The following NLN variants were observed in gnomAD, a reference collection of about 807,000 sequenced individuals.
The protein encoded by NLN is neurolysin, also known as neurolysin, mitochondrial.
Under a neutral mutation model 79.9 loss-of-function variants are expected in NLN, and 64 were observed. The ratio of observed to expected loss-of-function variants is 0.80; its 90% confidence interval spans 0.65 to 0.99. NLN has a LOEUF of 0.99. Ranked by LOEUF, NLN falls within the 50% of genes least tolerant of loss-of-function variation. The pLI is 0.00. For missense variants in NLN, 835 were observed against 858.7 expected, an observed-to-expected ratio of 0.97 and a Z score of 0.34; for synonymous variants, 267 against 296.6, an observed-to-expected ratio of 0.90 and a Z score of 1.02.
rs1166981711 is a variant in NLN, at chr5:65,817,746, G to A, written c.1981-5035G>A. Among the ~76,000 whole-genome samples, 4 of 152,166 alleles carry A rather than the reference G, an allele frequency of 2.6e-5. No homozygotes were observed. The East Asian group carries it at 7.7e-4, about 29-fold the overall frequency. On this transcript the variant is annotated intron_variant, in intron 12 of 12. Transcript: ENST00000380985. ...CAGTCTGTAATGCCATAAGGAAGGAGCTACATCTTACATAAAATAATAGCC... is the reference window on the plus strand; with the variant it reads ...CAGTCTGTAATGCCATAAGGAAGGAACTACATCTTACATAAAATAATAGCC...
chr5:65,781,454 A>T, intron 6 of NLN, 33 bp downstream of exon 6: 1 of 1,497,264 alleles, frequency 6.7e-7, no homozygotes, highest in Non-Finnish European at 9.2e-7. Context: ...TTTTGTTTTT[A>T]ATGGAATATT....
intron 6 of NLN, among the ~76,000 whole-genome samples, chr5:65,784,029 T>C (rs1167007048): frequency 6.6e-6 from 1 of 152,158 alleles, no homozygotes; most frequent in Admixed American, 6.5e-5. Context: ...TATTTTTATT[T>C]TCCACATCTT....
intron 9 of NLN, among the ~76,000 whole-genome samples, chr5:65,798,136 G>A (rs1760208354): frequency 6.6e-6 from 1 of 152,174 alleles, no homozygotes; most frequent in Non-Finnish European, 1.5e-5. Flanking sequence ...GAAGAAGATA[G>A]GCAGCTGAGA....
intron 1 of NLN, among the ~76,000 whole-genome samples, chr5:65,728,389 G>A (rs1758526899): frequency 6.6e-6 from 1 of 152,014 alleles, no homozygotes; most frequent in African/African-American, 2.4e-5. Flanking sequence ...CCAACTTCCT[G>A]CAATGAGTAA....
At position 65,828,409 on chromosome 5, in the gene NLN, CTT is replaced by C. The variant is rs1386474627; in HGVS notation, c.*5496_*5497del. The C allele has an allele frequency of 6.6e-6, 1 of 152,156 alleles. No individual in the cohort carries two copies. The highest frequency in any genetic ancestry group is 1.5e-5 in the Non-Finnish European group (1 of 68,020). 9.4% of individuals were successfully genotyped at this position (152,156 alleles called of 1,614,324 possible). On this transcript the variant is annotated 3_prime_UTR_variant, in exon 13 of 13. Transcript: ENST00000380985. ...AGGAGCAGTAACAAGATGGTGATAA[CTT>C]TGAAAATACTTCTCAAAAGAAAAAT...
At chr5:65,763,758 T>C (rs1579931990) in intron 3 of NLN, among the ~76,000 whole-genome samples, 1 of 152,030 alleles carries the variant, frequency 6.6e-6, no homozygotes, top group African/African-American at 2.4e-5. Context: ...TTTTCCTTTT[T>C]AGCAGACCGT....
Position 65,824,445 on chromosome 5 carries a change from C to G in NLN, c.*1530C>G, listed in dbSNP as rs947048478. On this transcript the variant is annotated 3_prime_UTR_variant, in exon 13 of 13. Transcript: ENST00000380985. The stretch of plus-strand genomic sequence containing the variant: ...CCCAGCCCTTCTCTTCCCACACACT[C>G]ACTCAATGTCACCCCCTTCTAATCC... 1 of 152,172 alleles carries G rather than the reference C, an allele frequency of 6.6e-6. No homozygotes were observed. Among genetic ancestry groups the G allele is most frequent in the Non-Finnish European group, 1.5e-5 (1 of 68,056 alleles). The allele number at this position is 152,172 out of a possible 1,614,324, so 9.4% of individuals were successfully genotyped here.
At chr5:65,791,474 T>C (rs1760056334) in intron 8 of NLN, among the ~76,000 whole-genome samples, 1 of 152,068 alleles carries the variant, frequency 6.6e-6, no homozygotes, top group South Asian at 2.1e-4. Context: ...AGGAGAATCA[T>C]TTGAACCCAG....
At chr5:65,810,532 T>C (rs1247754273) in intron 11 of NLN, among the ~76,000 whole-genome samples, 1 of 152,252 alleles carries the variant, frequency 6.6e-6, no homozygotes, top group Non-Finnish European at 1.5e-5. Context: ...TTTTAAGTTT[T>C]TTTTCCTTTA....
At position 65,823,127 on chromosome 5, in the gene NLN, A is replaced by C. The variant is rs1760837349; in HGVS notation, c.*212A>C. 4.6e-6 allele frequency: 2 copies of C among 434,886 alleles called. No individual in the cohort carries two copies. Among genetic ancestry groups the C allele is most frequent in the Non-Finnish European group, 8.1e-6 (2 of 246,578 alleles). 26.9% of individuals were successfully genotyped at this position (434,886 alleles called of 1,614,324 possible). The stretch of plus-strand genomic sequence containing the variant: ...CCCACTAGAAAGTAATTGTACTATA[A>C]AATTTCATAAAACTGGATTTGATTT... On this transcript the variant is annotated 3_prime_UTR_variant, in exon 13 of 13. Transcript: ENST00000380985.
chr5:65,790,629 C>T (rs1479156042), intron 8 of NLN, among the ~76,000 whole-genome samples: 8 of 152,166 alleles, frequency 5.3e-5, no homozygotes, highest in African/African-American at 9.7e-5. Context: ...TCCCACGACA[C>T]GTGGGGATTA....
intron 1 of NLN, 32 bp downstream of exon 1, chr5:65,722,446 T>TG (rs772892938): frequency 6.4e-7 from 1 of 1,562,772 alleles, no homozygotes; most frequent in East Asian, 2.5e-5. Flanking sequence ...ACCTTGGCCG[T>TG]GGGCAGGGCG....
Position 65,823,027 on chromosome 5 carries a change from A to G in NLN, c.*112A>G. On this transcript the variant is annotated 3_prime_UTR_variant, in exon 13 of 13. Transcript: ENST00000380985. ...CAAGTGAAAATTTAGATTTCTATTG[A>G]CATCCTTTTGTTTTCTAATTTTAAA... 7.7e-6 allele frequency: 6 copies of G among 784,184 alleles called. No homozygotes were observed. The East Asian group carries it at 1.0e-4, about 13-fold the overall frequency. 48.6% of individuals were successfully genotyped at this position (784,184 alleles called of 1,614,324 possible).
At chr5:65,747,927 G>A (rs530041116) in intron 1 of NLN, among the ~76,000 whole-genome samples, 6 of 152,128 alleles carry the variant, frequency 3.9e-5, no homozygotes, top group South Asian at 2.1e-4. Flanking sequence ...TCAGCCAGGC[G>A]CAGTGGCTCA....
intron 2 of NLN, among the ~76,000 whole-genome samples, chr5:65,762,398 C>G (rs555609421): frequency 6.6e-6 from 1 of 152,062 alleles, no homozygotes; most frequent in Non-Finnish European, 1.5e-5. Context: ...TAAATTACAC[C>G]CTCAGGCTAG....
chr5:65,742,617 C>T (rs1758895015), intron 1 of NLN, among the ~76,000 whole-genome samples: 2 of 152,132 alleles, frequency 1.3e-5, no homozygotes, highest in South Asian at 2.1e-4. Context: ...TATATATTAT[C>T]TTGGCAAGAT....
chr5:65,738,327 A>G (rs1758779365), intron 1 of NLN, among the ~76,000 whole-genome samples: 1 of 152,004 alleles, frequency 6.6e-6, no homozygotes, highest in Non-Finnish European at 1.5e-5. Flanking sequence ...CTCATGCCAT[A>G]ATCCCAGCAC....
chr5:65,735,032 T>G (rs1427896822), intron 1 of NLN, among the ~76,000 whole-genome samples: 1 of 152,218 alleles, frequency 6.6e-6, no homozygotes, highest in African/African-American at 2.4e-5. Context: ...ATAAGTGATA[T>G]GGTTTGGCTG....
chr5:65,788,260 GAC>G lies in NLN; in HGVS notation c.1103_1104del (p.Thr368ArgfsTer19). ...GGGATCTATATTACTACATGACTCA[GAC>G]AGAGGAACTCAAGTATTCCATAGAC... ...AWDLYYYMTQ[T>X]EELKYSIDQE... On this transcript the variant is annotated frameshift_variant, in exon 8 of 13. Coordinates refer to ENST00000380985, the MANE Select transcript of NLN (RefSeq NM_020726.5). LOFTEE classifies it high-confidence loss of function. 6.2e-7 allele frequency: 1 copy of G among 1,614,168 alleles called. No homozygotes were observed. The highest frequency in any genetic ancestry group is 8.5e-7 in the Non-Finnish European group (1 of 1,179,994).
Sources: allele counts gnomAD v4.1 joint callset (sites outside exome capture counted in the v4.1 genomes callset), GRCh38; gene constraint gnomAD v4.1.1; transcripts MANE v1.5; gene names NCBI Gene and HGNC (gene_info 2026-07-23, HGNC 2026-07-21).